SERGEF: variants seen among roughly 807,000 people sequenced by gnomAD.
SERGEF encodes secretion regulating guanine nucleotide exchange factor.
A neutral mutation model predicts 50.0 loss-of-function variants in SERGEF; 51 were observed. That is an observed-to-expected ratio of 1.02 (90% confidence interval 0.81 to 1.29). The LOEUF (loss-of-function observed/expected upper bound fraction) is 1.29, where lower values mean the gene tolerates loss of function less well. Ranked by LOEUF, SERGEF falls within the 50% of genes most tolerant of loss-of-function variation. The pLI is 0.00. For missense variants in SERGEF, 521 were observed against 557.0 expected (o/e 0.94, Z 0.65); for synonymous variants, 205 against 212.4 (o/e 0.97, Z 0.30).
At chr11:17,869,546 T>C (rs1851097353) in intron 10 of SERGEF, among the ~76,000 whole-genome samples, 1 of 152,174 alleles carries the variant, frequency 6.6e-6, no homozygotes, top group South Asian at 2.1e-4. Context: ...CTATTCCTTT[T>C]AGATGGCACC....
chr11:18,012,689 C>G (rs1174022703), intron 1 of SERGEF: 31 of 1,153,912 alleles, frequency 2.7e-5, no homozygotes, highest in Non-Finnish European at 3.3e-5. Context: ...TGCCCCGAGG[C>G]AGGTTCTTCC....
At chr11:17,995,669 C>T in intron 6 of SERGEF, 127 bp downstream of exon 6, 1 of 668,988 alleles carries the variant, frequency 1.5e-6, no homozygotes, top group Non-Finnish European at 2.6e-6. Flanking sequence ...AACAGACCAA[C>T]TAATAGAGAA....
chr11:17,867,728 T>C lies in SERGEF; in HGVS notation c.1048+10480A>G, dbSNP rs556509046. Among the ~76,000 whole-genome samples, 10 of 152,330 alleles carry C rather than the reference T, an allele frequency of 6.6e-5. No individual in the cohort carries two copies. The South Asian group carries it at 2.1e-3, about 32-fold the overall frequency. On this transcript the variant is annotated intron_variant, in intron 10 of 10. Transcript: ENST00000265965. ...ACTGTAGCAAAATTTTGTCTGGGCA[T>C]CCAGGAATTTCCATACATCTTCTGA... is the stretch of plus-strand genomic sequence containing the variant.
intron 8 of SERGEF, among the ~76,000 whole-genome samples, chr11:17,987,118 A>G (rs1354526664): frequency 6.6e-6 from 1 of 152,238 alleles, no homozygotes; most frequent in Non-Finnish European, 1.5e-5. Flanking sequence ...TAGGTGCCTA[A>G]TAAACATTAA....
chr11:17,871,934 G>GA (rs1194681680), intron 10 of SERGEF, among the ~76,000 whole-genome samples: 1 of 152,114 alleles, frequency 6.6e-6, no homozygotes, highest in Non-Finnish European at 1.5e-5. Context: ...ATGCACCCAA[G>GA]AGAAATAAAT....
In SERGEF at chr11:17,992,913, G is replaced by A; in HGVS notation, c.685+18C>T. The A allele has an allele frequency of 1.5e-5, 24 of 1,609,762 alleles. No homozygotes were observed. Among genetic ancestry groups the A allele is most frequent in the Non-Finnish European group, 2.0e-5 (23 of 1,176,042 alleles). On this transcript the variant is annotated intron_variant, in intron 7 of 10. Coordinates refer to ENST00000265965, the MANE Select transcript of SERGEF (RefSeq NM_012139.4). ...AATCCTGAATGGCATGTTAAACCGT[G>A]AAAGAGCTGGTACCTACCTGTTAAT...
At chr11:17,939,163 A>C (rs1253311179) in intron 9 of SERGEF, among the ~76,000 whole-genome samples, 2 of 152,202 alleles carry the variant, frequency 1.3e-5, no homozygotes, top group Non-Finnish European at 2.9e-5. Flanking sequence ...AAAAGATTAG[A>C]AAGTGGAGCA....
At chr11:17,843,741 G>A (rs1324366722) in intron 10 of SERGEF, among the ~76,000 whole-genome samples, 3 of 152,142 alleles carry the variant, frequency 2.0e-5, no homozygotes, top group Non-Finnish European at 4.4e-5. Context: ...ACTGGAGGAC[G>A]GGGATAAAGA....
chr11:17,924,151 C>A (rs924249882), intron 9 of SERGEF, among the ~76,000 whole-genome samples: 1 of 152,072 alleles, frequency 6.6e-6, no homozygotes, highest in African/African-American at 2.4e-5. Flanking sequence ...GAATTTGGGG[C>A]AATGAATTTG....
intron 10 of SERGEF, among the ~76,000 whole-genome samples, chr11:17,859,919 G>C (rs959424211): frequency 6.6e-6 from 1 of 152,146 alleles, no homozygotes; most frequent in Non-Finnish European, 1.5e-5. Flanking sequence ...CCTCTTTTCC[G>C]GGAAAGGTAC....
chr11:17,788,358 A>C lies in SERGEF; in HGVS notation c.1104T>G (p.Thr368=). The change falls in exon 11 of 11, where the codon ACT becomes ACG. Residue 368 remains threonine (T), a synonymous_variant. Coordinates refer to ENST00000265965, the MANE Select transcript of SERGEF (RefSeq NM_012139.4). The part of the protein sequence containing the change: ...WNEHGMCGDG[T]EANVWAPKPV... ...GCTTTGGGGCCCAGACGTTGGCTTC[A>C]GTGCCATCTCCGCACATGCCATGCT... 6.2e-7 allele frequency: 1 copy of C among 1,614,088 alleles called. No homozygotes were observed. The highest frequency in any genetic ancestry group is 8.5e-7 in the Non-Finnish European group (1 of 1,179,954).
chr11:17,980,132 A>G (rs1853465619), intron 8 of SERGEF, among the ~76,000 whole-genome samples: 2 of 152,238 alleles, frequency 1.3e-5, no homozygotes, highest in African/African-American at 4.8e-5. Flanking sequence ...CCTCTTAGCC[A>G]GTTCCACAAT....
chr11:17,865,807 T>A (rs1170031767), intron 10 of SERGEF, among the ~76,000 whole-genome samples: 1 of 152,216 alleles, frequency 6.6e-6, no homozygotes, highest in East Asian at 1.9e-4. Context: ...AGAGATTTTT[T>A]GTGTGTAATT....
At chr11:17,799,361 T>C (rs1433458531) in intron 10 of SERGEF, among the ~76,000 whole-genome samples, 1 of 152,218 alleles carries the variant, frequency 6.6e-6, no homozygotes, top group African/African-American at 2.4e-5. Flanking sequence ...GAGGACTTGT[T>C]CTCCTATCTC....
chr11:17,946,925 C>T (rs1852673120), intron 9 of SERGEF, among the ~76,000 whole-genome samples: 1 of 152,156 alleles, frequency 6.6e-6, no homozygotes, highest in Admixed American at 6.5e-5. Flanking sequence ...GGAGATGGAG[C>T]CCCCAAGGCT....
At chr11:17,988,344 T>A (rs1853641672) in intron 8 of SERGEF, among the ~76,000 whole-genome samples, 1 of 152,200 alleles carries the variant, frequency 6.6e-6, no homozygotes, top group Non-Finnish European at 1.5e-5. Context: ...AATGGATCCC[T>A]TCTCAAAACC....
chr11:18,002,092 G>A (rs1296005168), intron 4 of SERGEF: 7 of 452,450 alleles, frequency 1.5e-5, no homozygotes, highest in Admixed American at 4.8e-5. Context: ...ATTAGCTTAC[G>A]AGAAGATCAA....
At chr11:17,988,532 T>C in intron 8 of SERGEF, 65 bp downstream of exon 8, 1 of 1,547,788 alleles carries the variant, frequency 6.5e-7, no homozygotes, top group Middle Eastern at 2.1e-4. Flanking sequence ...CAAGCACTCA[T>C]GGCTGCTTAG....
chr11:17,908,024 G>C (rs576711986), intron 9 of SERGEF, among the ~76,000 whole-genome samples: 19 of 152,226 alleles, frequency 1.2e-4, no homozygotes, highest in Non-Finnish European at 1.5e-4. Flanking sequence ...CATAACCTTA[G>C]TTCAAGTTCT....
Sources: gnomAD v4.1 joint callset for allele counts (sites outside exome capture counted in the v4.1 genomes callset) on GRCh38, gnomAD v4.1.1 for gene constraint, MANE v1.5 for transcripts, NCBI Gene and HGNC (gene_info 2026-07-23, HGNC 2026-07-21) for gene names.